The following IL32 variants were observed in gnomAD, a reference collection of about 807,000 sequenced individuals.
IL32 encodes interleukin 32, also known as interleukin-32.
In IL32, 30 loss-of-function variants were observed where a neutral mutation model predicts 16.6. The ratio of observed to expected loss-of-function variants is 1.81; its 90% confidence interval spans 1.35 to 2.45. The LOEUF (loss-of-function observed/expected upper bound fraction) is 2.45. Among genes scored for constraint, IL32 ranks in the 30% most tolerant of loss-of-function variants. The probability of loss-of-function intolerance (pLI) is 0.00; values close to 1 mark genes in which losing one functional copy is unlikely to be tolerated. For synonymous variants in IL32, 70 were observed against 86.1 expected (o/e 0.81, Z 1.03); for missense variants, 234 against 229.8 (o/e 1.02, Z -0.12).
chr16:3,068,159 C>T (rs1448488698), intron 5 of IL32, 21 bp from the exon 6 acceptor site: 3 of 1,603,558 alleles, frequency 1.9e-6, no homozygotes, highest in Non-Finnish European at 2.6e-6. Flanking sequence ...GCATGAACCC[C>T]CTGTGCCCTC....
chr16:3,067,887 G>C, intron 4 of IL32, 97 bp from the exon 5 acceptor site: 1 of 1,411,318 alleles, frequency 7.1e-7, no homozygotes, highest in Non-Finnish European at 1.0e-6. Flanking sequence ...CCCAGTTCGG[G>C]GTGTGTGGGA....
chr16:3,067,271 CTGTGTGTGTGTGTGT>C (rs1485483359), intron 2 of IL32, 91 bp from the exon 3 acceptor site: 26 of 603,558 alleles, frequency 4.3e-5, no homozygotes, highest in East Asian at 1.1e-4. Flanking sequence ...CCATGTGTCT[CTGTGTGTGTGTGTGT>C]GTGTGTGTGT....
rs1956245198 is a variant in IL32 at position 3,065,800 on chromosome 16, C to T, written c.-12C>T. The T allele has an allele frequency of 1.2e-6, 2 of 1,614,168 alleles. No individual in the cohort carries two copies. Among genetic ancestry groups the T allele is most frequent in the Admixed American group, 1.7e-5 (1 of 60,030 alleles). ...CGCCAGCAGGCCTTGGCTCCTTGAA[C>T]TTTTGGCCGCCATGTGCTTCCCGAA... On this transcript the variant is annotated 5_prime_UTR_variant, in exon 2 of 7. Transcript: ENST00000525643.
At chr16:3,065,909 G>A (rs749063506) in intron 2 of IL32, 83 bp downstream of exon 2, 65 of 1,530,964 alleles carry the variant, frequency 4.2e-5, no homozygotes, top group Non-Finnish European at 5.8e-5. Context: ...ATTTCCCGAG[G>A]TGCCTGTGTG....
chr16:3,068,022 C>T lies in IL32; in HGVS notation c.141+12C>T, dbSNP rs1283346050. 4 of 1,613,806 alleles carry T rather than the reference C, an allele frequency of 2.5e-6. No homozygotes were observed. Among genetic ancestry groups the T allele is most frequent in the South Asian group, 1.1e-5 (1 of 91,064 alleles). On this transcript the variant is annotated intron_variant, in intron 5 of 6. Transcript: ENST00000525643. The stretch of plus-strand genomic sequence containing the variant: ...TGGCAGAGCTGGAGGTGAGCCGTGG[C>T]CTCCCCCTCCACCAAGCTTAGTCCC...
chr16:3,068,184 A>T lies in IL32; in HGVS notation c.146A>T (p.Asp49Val). The T allele has an allele frequency of 1.9e-6, 3 of 1,604,334 alleles. No individual in the cohort carries two copies. The highest frequency in any genetic ancestry group is 1.7e-6 in the Non-Finnish European group (2 of 1,175,224). ...VMSSLAELED[D>V]FKEGYLETVA... ...CCTGTGCCCTCCTCTCCCCAGGACG[A>T]CTTCAAAGAGGGCTACCTGGAGACA... The change falls in exon 6 of 7, where the codon GAC (aspartate) becomes GTC (valine). Residue 49 changes from aspartate (D) to valine (V), a missense_variant. Physicochemically the swap from Asp to Val is radical, Grantham distance 152. Coordinates refer to ENST00000525643, the MANE Select transcript of IL32 (RefSeq NM_001376923.1).
chr16:3,065,645 G>T lies in IL32; in HGVS notation c.-71G>T. On this transcript the variant is annotated 5_prime_UTR_variant, in exon 1 of 7. Transcript: ENST00000525643. ...GCTGAGTATTTGTGCCAGGAAGACTGCGTGCAGAAGGTGACTGTCTCAGTG... is the reference window on the plus strand; with the variant it reads ...GCTGAGTATTTGTGCCAGGAAGACTTCGTGCAGAAGGTGACTGTCTCAGTG... 1.3e-6 allele frequency: 1 copy of T among 746,338 alleles called. No individual in the cohort carries two copies. Among genetic ancestry groups the T allele is most frequent in the South Asian group, 1.5e-5 (1 of 66,318 alleles). The allele number at this position is 746,338 out of a possible 1,614,324, so 46.2% of individuals were successfully genotyped here. A position where few individuals can be genotyped will look rare whatever the true frequency, so the allele number is the denominator to read the frequency against.
At chr16:3,065,614 A>C (rs1956227924), upstream of IL32, 2 of 692,686 alleles carry the variant, frequency 2.9e-6, no homozygotes, top group African/African-American at 3.6e-5. Context: ...TTTCCCCATA[A>C]AACCAGCTGA....
rs1555442501 is a variant in IL32, at chr16:3,067,277, G to GTGTCTC, written c.16-97_16-96insCTCTGT. ...GTACCTCTGCCATGTGTCTCTGTGT[G>GTGTCTC]TGTGTGTGTGTGTGTGTGTGTGTGT... On this transcript the variant is annotated intron_variant, in intron 2 of 6. Transcript: ENST00000525643. The GTGTCTC allele has an allele frequency of 6.4e-4, 182 of 283,422 alleles. No individual in the cohort carries two copies. The African/African-American group carries it at 6.5e-3, about 10-fold the overall frequency. The allele number at this position is 283,422 out of a possible 1,614,324, so 17.6% of individuals were successfully genotyped here.
chr16:3,067,843 G>T (rs929466917), intron 4 of IL32, 141 bp from the exon 5 acceptor site: 1 of 1,019,414 alleles, frequency 9.8e-7, no homozygotes, highest in Non-Finnish European at 1.5e-6. Context: ...GGAAACAACA[G>T]GGGTGCCAGA....
rs756885838 is a variant in IL32 at position 3,067,975 on chromosome 16, T to C, written c.115-9T>C. 1.2e-6 allele frequency: 2 copies of C among 1,614,058 alleles called. No homozygotes were observed. Among genetic ancestry groups the C allele is most frequent in the Admixed American group, 1.7e-5 (1 of 60,030 alleles). The stretch of plus-strand genomic sequence containing the variant: ...TTGGGCCTGGAACCGAGTGCTTTGT[T>C]CCTAACAGGTGATGTCGAGCCTGGC... On this transcript the variant is annotated splice_polypyrimidine_tract_variant and intron_variant, in intron 4 of 6. Transcript: ENST00000525643.
intron 2 of IL32, 106 bp downstream of exon 2, chr16:3,065,932 C>G: frequency 1.5e-6 from 2 of 1,317,328 alleles, no homozygotes; most frequent in Admixed American, 3.4e-5. Flanking sequence ...AGGGCTCAGT[C>G]AGGGGCACCC....
chr16:3,068,120 C>T (rs994056111), intron 5 of IL32, 60 bp from the exon 6 acceptor site: 4 of 1,601,432 alleles, frequency 2.5e-6, no homozygotes, highest in Non-Finnish European at 3.4e-6. Flanking sequence ...CCAGTGGGGG[C>T]CACAGTGGGA....
At position 3,066,949 on chromosome 16, in the gene IL32, T is replaced by C. The variant is rs535310715; in HGVS notation, c.16-428T>C. The stretch of plus-strand genomic sequence containing the variant: ...CCTGCTCTTGTGAGGAGGGGTCACC[T>C]AGGCCCACGCAGGCCCTGCTCTTGT... On this transcript the variant is annotated intron_variant, in intron 2 of 6. Transcript: ENST00000525643. Among the ~76,000 whole-genome samples the C allele has an allele frequency of 3.7e-4, 53 of 143,906 alleles. No individual in the cohort carries two copies. The East Asian group carries it at 7.4e-3, about 20-fold the overall frequency. 94.4% of individuals were successfully genotyped at this position (143,906 alleles called of 152,430 possible). A position where few individuals can be genotyped will look rare whatever the true frequency, so the allele number is the denominator to read the frequency against.
Position 3,068,258 on chromosome 16 carries a change from T to A in IL32, c.201+19T>A, listed in dbSNP as rs771610721. On this transcript the variant is annotated intron_variant, in intron 6 of 6. Coordinates refer to ENST00000525643, the MANE Select transcript of IL32 (RefSeq NM_001376923.1). ...GCACCCAGTGAGTATGACACACCCATCTGGGCACCTTGCCTTCCTTCACCT... is the reference window on the plus strand; with the variant it reads ...GCACCCAGTGAGTATGACACACCCAACTGGGCACCTTGCCTTCCTTCACCT... The A allele has an allele frequency of 1.3e-6, 2 of 1,576,686 alleles. No individual in the cohort carries two copies. Among genetic ancestry groups the A allele is most frequent in the African/African-American group, 2.7e-5 (2 of 74,090 alleles).
intron 6 of IL32, 106 bp from the exon 7 acceptor site, chr16:3,068,884 G>A (rs1956739358): frequency 5.2e-6 from 8 of 1,549,546 alleles, no homozygotes; most frequent in Non-Finnish European, 7.0e-6. Flanking sequence ...ACACCTGTGG[G>A]CCTCCGTCTC....
At position 3,068,198 on chromosome 16, in the gene IL32, T is replaced by C. The variant is rs773705481; in HGVS notation, c.160T>C (p.Tyr54His). The change falls in exon 6 of 7, where the codon TAC becomes CAC. Residue 54 changes from tyrosine to histidine, a missense_variant. Coordinates refer to ENST00000525643, the MANE Select transcript of IL32 (RefSeq NM_001376923.1). ...AELEDDFKEG[Y>H]LETVAAYYEE... ...TCCCCAGGACGACTTCAAAGAGGGCTACCTGGAGACAGTGGCGGCTTATTA... is the reference window on the plus strand; with the variant it reads ...TCCCCAGGACGACTTCAAAGAGGGCCACCTGGAGACAGTGGCGGCTTATTA... 8.7e-6 allele frequency: 14 copies of C among 1,604,354 alleles called. No homozygotes were observed. In the Admixed American group the frequency reaches 1.5e-4, roughly 18 times the overall value.
intron 6 of IL32, 124 bp downstream of exon 6, chr16:3,068,363 T>A: frequency 3.4e-6 from 3 of 885,436 alleles, no homozygotes; most frequent in Non-Finnish European, 5.3e-6. Flanking sequence ...TGGAGTGCAG[T>A]GGCATGATCT....
In IL32 at chr16:3,065,953, G is replaced by A. The variant is rs181673289; in HGVS notation, c.15+127G>A. Reference sequence around the variant, plus strand: ...CAGTCAGGGGCACCCAGCGGCAGGAGGATAGTGATGGGGTGAGAGTGTCAG... The same window carrying A: ...CAGTCAGGGGCACCCAGCGGCAGGAAGATAGTGATGGGGTGAGAGTGTCAG... On this transcript the variant is annotated intron_variant, in intron 2 of 6. Transcript: ENST00000525643. The A allele has an allele frequency of 4.7e-4, 517 of 1,109,030 alleles. 2 individuals carry two copies. The highest frequency in any genetic ancestry group is 9.2e-5 in the African/African-American group (6 of 65,158). 68.7% of individuals were successfully genotyped at this position (1,109,030 alleles called of 1,614,324 possible).
Sources: allele counts gnomAD v4.1 joint callset (sites outside exome capture counted in the v4.1 genomes callset), GRCh38; gene constraint gnomAD v4.1.1; transcripts MANE v1.5; gene names NCBI Gene and HGNC (gene_info 2026-07-23, HGNC 2026-07-21).